SYN3: variants seen among roughly 807,000 people sequenced by gnomAD.
SYN3 encodes the protein synapsin-3.
Under a neutral mutation model 65.8 loss-of-function variants are expected in SYN3, and 35 were observed. That is an observed-to-expected ratio of 0.53 (90% CI 0.41 to 0.70). The LOEUF (loss-of-function observed/expected upper bound fraction) is 0.70, where lower values mean the gene tolerates loss of function less well. Among genes scored for constraint, SYN3 ranks in the 30% least tolerant of loss-of-function variants. The probability of loss-of-function intolerance (pLI) is 0.00; values close to 1 mark genes in which losing one functional copy is unlikely to be tolerated. For synonymous variants in SYN3, 270 were observed against 292.9 expected, an observed-to-expected ratio of 0.92 and a Z score of 0.80; for missense variants, 680 against 749.0, an observed-to-expected ratio of 0.91 and a Z score of 1.08.
chr22:32,911,391 A>G (rs2047932667), intron 4 of SYN3, among the ~76,000 whole-genome samples: 1 of 152,206 alleles, frequency 6.6e-6, no homozygotes, highest in Non-Finnish European at 1.5e-5. Context: ...AGGACACCGT[A>G]TGCCTTTGCG....
intron 6 of SYN3, among the ~76,000 whole-genome samples, chr22:32,813,486 T>TACACACACACACACACAC (rs130277): frequency 7.2e-6 from 1 of 138,186 alleles, no homozygotes; most frequent in Non-Finnish European, 1.6e-5. Context: ...TCTGAAAAGA[T>TACACACACACACACACAC]ACACACACAC....
intron 7 of SYN3, among the ~76,000 whole-genome samples, chr22:32,551,979 G>A (rs573466393): frequency 3.6e-4 from 55 of 152,190 alleles, no homozygotes; most frequent in Non-Finnish European, 5.9e-4. Flanking sequence ...GGCCAGGTGC[G>A]GTGGCTCACG....
intron 4 of SYN3, among the ~76,000 whole-genome samples, chr22:32,874,442 T>C (rs1459698899): frequency 6.6e-6 from 1 of 152,112 alleles, no homozygotes; most frequent in African/African-American, 2.4e-5. Context: ...ATGGGACAGG[T>C]GACGTGTCAC....
intron 6 of SYN3, among the ~76,000 whole-genome samples, chr22:32,804,064 C>A (rs1325981107): frequency 6.6e-6 from 1 of 152,172 alleles, no homozygotes; most frequent in East Asian, 1.9e-4. Context: ...CAAGAAATAG[C>A]TCCCTCGCTC....
At chr22:33,037,244 A>T (rs2053878962) in intron 1 of SYN3, among the ~76,000 whole-genome samples, 1 of 152,174 alleles carries the variant, frequency 6.6e-6, no homozygotes, top group Non-Finnish European at 1.5e-5. Context: ...GAGAAAACTA[A>T]GGCTCAGAAA....
chr22:32,568,691 A>G (rs112444848), intron 7 of SYN3, among the ~76,000 whole-genome samples: 2 of 152,250 alleles, frequency 1.3e-5, no homozygotes, highest in Non-Finnish European at 2.9e-5. Context: ...CGAAGGCTCC[A>G]CCTCCTAATT....
intron 6 of SYN3, among the ~76,000 whole-genome samples, chr22:32,725,053 G>T (rs2061171248): frequency 1.3e-5 from 2 of 152,180 alleles, no homozygotes; most frequent in Admixed American, 6.5e-5. Context: ...GAAGGTGGAG[G>T]TTCCAGTGAG....
At chr22:32,838,765 G>A (rs1163348686) in intron 6 of SYN3, among the ~76,000 whole-genome samples, 3 of 151,788 alleles carry the variant, frequency 2.0e-5, no homozygotes, top group Non-Finnish European at 2.9e-5. Flanking sequence ...CCCCGTCTTC[G>A]TTATTGTATT....
chr22:32,866,238 T>C (rs554792943), intron 5 of SYN3, among the ~76,000 whole-genome samples: 2 of 152,288 alleles, frequency 1.3e-5, no homozygotes, highest in South Asian at 4.1e-4. Context: ...GGTCACTCAA[T>C]ACTAAGAGCC....
chr22:32,905,451 A>C (rs1374706898), intron 4 of SYN3, among the ~76,000 whole-genome samples: 1 of 152,184 alleles, frequency 6.6e-6, no homozygotes, highest in Admixed American at 6.5e-5. Flanking sequence ...AGGGAAAGAG[A>C]CCTACCTTGG....
At chr22:32,656,366 G>A (rs1224941483) in intron 6 of SYN3, among the ~76,000 whole-genome samples, 2 of 152,150 alleles carry the variant, frequency 1.3e-5, no homozygotes, top group East Asian at 1.9e-4. Flanking sequence ...ACTGTTGAAA[G>A]GATTAAGCGA....
chr22:32,845,853 T>C (rs759441513), intron 6 of SYN3, among the ~76,000 whole-genome samples: 11 of 152,246 alleles, frequency 7.2e-5, no homozygotes, highest in Admixed American at 1.3e-4. Context: ...CCTTGTTCCC[T>C]GTGGCCCCTG....
chr22:32,775,476 C>T (rs369466521), intron 6 of SYN3, among the ~76,000 whole-genome samples: 31 of 152,234 alleles, frequency 2.0e-4, no homozygotes, highest in East Asian at 9.7e-4. Flanking sequence ...TAACTGTCGA[C>T]GAGGAGGGTG....
chr22:32,609,473 G>A (rs1344588281), intron 6 of SYN3, among the ~76,000 whole-genome samples: 2 of 141,836 alleles, frequency 1.4e-5, no homozygotes, highest in Non-Finnish European at 1.5e-5. Context: ...CATCCTGCCT[G>A]GTGTTTTTTT....
At chr22:32,595,556 G>C (rs879791510) in intron 7 of SYN3, among the ~76,000 whole-genome samples, 2 of 152,138 alleles carry the variant, frequency 1.3e-5, no homozygotes, top group Non-Finnish European at 2.9e-5. Context: ...GACTCTGGGG[G>C]CTTCTTCCAT....
chr22:32,883,208 C>T (rs2049191318), intron 4 of SYN3, among the ~76,000 whole-genome samples: 1 of 152,216 alleles, frequency 6.6e-6, no homozygotes, highest in Non-Finnish European at 1.5e-5. Context: ...GGACCCTGCC[C>T]TCCCTGCTGG....
At position 32,764,563 on chromosome 22, in the gene SYN3, T is replaced by G. The variant is rs527845882; in HGVS notation, c.711+100352A>C. On this transcript the variant is annotated intron_variant, in intron 6 of 13. Coordinates refer to ENST00000358763, the MANE Select transcript of SYN3 (RefSeq NM_003490.4). ...GCAGCCTCGTGGCCTGGAAGAACACTGGGCTGGAAGGCAGGTTCTGGTCTT... is the reference window on the plus strand; with the variant it reads ...GCAGCCTCGTGGCCTGGAAGAACACGGGGCTGGAAGGCAGGTTCTGGTCTT... Among the ~76,000 whole-genome samples the G allele has an allele frequency of 3.9e-5, 6 of 152,292 alleles. No homozygotes were observed. In the East Asian group the frequency reaches 1.2e-3, roughly 29 times the overall value.
chr22:33,014,103 C>T (rs919228912), intron 1 of SYN3, among the ~76,000 whole-genome samples: 2 of 150,406 alleles, frequency 1.3e-5, no homozygotes, highest in African/African-American at 4.9e-5. Context: ...AATTAGGGGG[C>T]GGGGCTCTCA....
At chr22:32,763,271 C>T (rs560515647) in intron 6 of SYN3, among the ~76,000 whole-genome samples, 67 of 152,116 alleles carry the variant, frequency 4.4e-4, no homozygotes, top group South Asian at 8.3e-4. Context: ...CTCAGCTTCT[C>T]GAGTAGCTGG....
Sources: gnomAD v4.1 joint callset for allele counts (sites outside exome capture counted in the v4.1 genomes callset) on GRCh38, gnomAD v4.1.1 for gene constraint, MANE v1.5 for transcripts, NCBI Gene and HGNC (gene_info 2026-07-23, HGNC 2026-07-21) for gene names.